HARBI1: variants seen among roughly 807,000 people sequenced by gnomAD.
HARBI1 encodes putative nuclease HARBI1.
Under a neutral mutation model 25.3 loss-of-function variants are expected in HARBI1, and 15 were observed. The ratio of observed to expected loss-of-function variants is 0.59; its 90% CI spans 0.40 to 0.91. The LOEUF (loss-of-function observed/expected upper bound fraction) is 0.91. Among genes scored for constraint, HARBI1 ranks in the 40% least tolerant of loss-of-function variants. HARBI1 has a pLI of 0.00. For synonymous variants in HARBI1, 168 were observed against 160.5 expected (o/e 1.05, Z -0.35); for missense variants, 396 against 445.8 (o/e 0.89, Z 1.01).
intron 2 of HARBI1, among the ~76,000 whole-genome samples, chr11:46,610,597 T>C (rs960189500): frequency 2.0e-5 from 3 of 151,760 alleles, no homozygotes; most frequent in African/African-American, 7.3e-5. Context: ...GAGGCGGAGC[T>C]TGCAGTGAGC....
rs191845906 is a variant in HARBI1, at chr11:46,617,223, G to A, written c.-244C>T. 6.1e-3 allele frequency: 959 copies of A among 157,846 alleles called. 13 individuals carry two copies. The highest frequency in any genetic ancestry group is 0.022 in the African/African-American group (916 of 41,654). The allele number at this position is 157,846 out of a possible 1,614,324, so 9.8% of individuals were successfully genotyped here. ...GACTGCACAGAGGCCGCCACGGCGC[G>A]CAACAGCGGCACCGCCCCTTCCGCG... On this transcript the variant is annotated 5_prime_UTR_variant, in exon 1 of 3. Transcript: ENST00000326737.
At chr11:46,608,010 A>G (rs886622359) in intron 2 of HARBI1, among the ~76,000 whole-genome samples, 1 of 151,892 alleles carries the variant, frequency 6.6e-6, no homozygotes, top group Non-Finnish European at 1.5e-5. Context: ...TTAAAATACA[A>G]TTAGGCGGCC....
chr11:46,605,831 C>G (rs1009688547), intron 2 of HARBI1, among the ~76,000 whole-genome samples: 3 of 151,608 alleles, frequency 2.0e-5, no homozygotes, highest in African/African-American at 7.3e-5. Context: ...TCATGATCCA[C>G]CCACCTCGGC....
intron 2 of HARBI1, among the ~76,000 whole-genome samples, chr11:46,612,087 T>C (rs1263541177): frequency 6.6e-6 from 1 of 152,120 alleles, no homozygotes; most frequent in Non-Finnish European, 1.5e-5. Flanking sequence ...AGTAAACATG[T>C]TAAAGAGAAG....
chr11:46,610,542 C>A (rs1213642576), intron 2 of HARBI1, among the ~76,000 whole-genome samples: 3 of 151,882 alleles, frequency 2.0e-5, no homozygotes, highest in African/African-American at 7.3e-5. Flanking sequence ...CGCCTATAGT[C>A]CCAGCTACTC....
chr11:46,613,112 T>C (rs1008337223), intron 2 of HARBI1, among the ~76,000 whole-genome samples: 6 of 150,886 alleles, frequency 4.0e-5, no homozygotes, highest in African/African-American at 1.5e-4. Context: ...CCCAAGTAGA[T>C]GGGACTACAG....
At chr11:46,604,362 G>T in intron 2 of HARBI1, 2 of 795,050 alleles carry the variant, frequency 2.5e-6, no homozygotes, top group Non-Finnish European at 3.0e-6. Context: ...CCAAGATCAC[G>T]CCATTGCACT....
At chr11:46,606,208 C>A (rs1226454630) in intron 2 of HARBI1, among the ~76,000 whole-genome samples, 2 of 151,566 alleles carry the variant, frequency 1.3e-5, no homozygotes, top group Admixed American at 1.3e-4. Context: ...TTTTATTGAA[C>A]ATAACCCTAC....
chr11:46,603,471 G>C lies in HARBI1; in HGVS notation c.*59C>G, dbSNP rs1002226534. ...TAGATGATGGAACTGTGTAAAAGGT[G>C]ATGAGGAGGAAAGTCTGTCACAACT... On this transcript the variant is annotated 3_prime_UTR_variant, in exon 3 of 3. Coordinates refer to ENST00000326737, the MANE Select transcript of HARBI1 (RefSeq NM_173811.4). 2.8e-6 allele frequency: 4 copies of C among 1,429,126 alleles called. No homozygotes were observed. In the African/African-American group the frequency reaches 5.7e-5, roughly 20 times the overall value. The allele number at this position is 1,429,126 out of a possible 1,614,324, so 88.5% of individuals were successfully genotyped here.
At chr11:46,617,842 G>A (rs2045776089), upstream of HARBI1, 2 of 399,218 alleles carry the variant, frequency 5.0e-6, no homozygotes, top group Non-Finnish European at 8.8e-6. Context: ...CCAGGTCCCG[G>A]CCTCCGTAAT....
intron 1 of HARBI1, chr11:46,616,717 C>T: frequency 1.0e-6 from 1 of 989,652 alleles, no homozygotes. Context: ...ATGTCATAAC[C>T]ACCTTGGGTA....
At chr11:46,608,454 C>T (rs886882027) in intron 2 of HARBI1, among the ~76,000 whole-genome samples, 4 of 152,018 alleles carry the variant, frequency 2.6e-5, no homozygotes, top group African/African-American at 9.7e-5. Flanking sequence ...TCTGTCTATT[C>T]ATATGAATGA....
At position 46,615,550 on chromosome 11, in the gene HARBI1, T is replaced by C; in HGVS notation, c.670+18A>G. The C allele has an allele frequency of 6.2e-7, 1 of 1,604,174 alleles. No individual in the cohort carries two copies. Among genetic ancestry groups the C allele is most frequent in the Non-Finnish European group, 8.5e-7 (1 of 1,172,578 alleles). ...CTATGCCTCCAAACAAAATGAAAAT[T>C]CACACTTGCAAACTTACCCAGAAGC... On this transcript the variant is annotated intron_variant, in intron 2 of 2. Transcript: ENST00000326737.
chr11:46,614,963 A>T (rs2045318419), intron 2 of HARBI1, among the ~76,000 whole-genome samples: 2 of 151,664 alleles, frequency 1.3e-5, no homozygotes, highest in South Asian at 4.2e-4. Context: ...CCCAGGCTAG[A>T]GTGCACTGGC....
intron 2 of HARBI1, among the ~76,000 whole-genome samples, chr11:46,612,972 T>A (rs2045242457): frequency 3.2e-4 from 1 of 3,140 alleles, no homozygotes; most frequent in African/African-American, 8.1e-4. Context: ...ACACCCGGAT[T>A]TTTTTTTTTT....
intron 2 of HARBI1, among the ~76,000 whole-genome samples, chr11:46,610,615 G>A (rs966741359): frequency 5.9e-5 from 9 of 151,618 alleles, no homozygotes; most frequent in Non-Finnish European, 1.3e-4. Context: ...AGCCGAGATC[G>A]CACCACTGCA....
chr11:46,604,696 C>T (rs139560571), intron 2 of HARBI1: 265 of 985,218 alleles, frequency 2.7e-4, no homozygotes, highest in Non-Finnish European at 3.1e-4. Context: ...GATAAAAGTC[C>T]GAGCACTTAT....
Position 46,603,703 on chromosome 11 carries a change from A to G in HARBI1, c.877T>C (p.Leu293=), listed in dbSNP as rs1264554559. 8.7e-6 allele frequency: 14 copies of G among 1,614,094 alleles called. No homozygotes were observed. The highest frequency in any genetic ancestry group is 6.7e-5 in the Admixed American group (4 of 59,998). The part of the protein sequence containing the change: ...YSPEKSSHII[L]ACCVLHNISL... ...ATGTTGTGGAGGACACAACAGGCCA[A>G]GATGATATGGCTGGATTTCTCTGGT... Residue 293 remains leucine (L), a synonymous_variant, in exon 3 of 3, where the codon TTG becomes CTG. Transcript: ENST00000326737.
chr11:46,611,333 T>A (rs2045176133), intron 2 of HARBI1, among the ~76,000 whole-genome samples: 1 of 152,188 alleles, frequency 6.6e-6, no homozygotes, highest in Non-Finnish European at 1.5e-5. Flanking sequence ...AGAGTTTTTA[T>A]AAGCATTAAG....
Sources: gnomAD v4.1 joint callset for allele counts (sites outside exome capture counted in the v4.1 genomes callset) on GRCh38, gnomAD v4.1.1 for gene constraint, MANE v1.5 for transcripts, NCBI Gene and HGNC (gene_info 2026-07-23, HGNC 2026-07-21) for gene names.